AFP: variants seen among roughly 807,000 people sequenced by gnomAD.
AFP encodes the protein alpha fetoprotein.
Under a neutral mutation model 78.9 loss-of-function variants are expected in AFP, and 64 were observed. The ratio of observed to expected loss-of-function variants is 0.81; its 90% CI spans 0.66 to 1.00. The LOEUF is 1.00. Among genes scored for constraint, AFP ranks in the 50% least tolerant of loss-of-function variants. The pLI, the probability that AFP is intolerant of heterozygous loss-of-function variation, is 0.00. For synonymous variants in AFP, 254 were observed against 243.8 expected (o/e 1.04, Z -0.39); for missense variants, 689 against 703.8 (o/e 0.98, Z 0.24).
chr4:73,453,547 T>TA (rs1177831602), intron 12 of AFP: 1 of 551,990 alleles, frequency 1.8e-6, no homozygotes, highest in Non-Finnish European at 3.2e-6. Context: ...AATAGTGTTT[T>TA]ATCCACAACC....
Position 73,437,210 on chromosome 4 carries a change from C to G in AFP, c.136C>G (p.Leu46Val), listed in dbSNP as rs1182640029. The G allele has an allele frequency of 3.7e-6, 6 of 1,608,062 alleles. No homozygotes were observed. In the South Asian group the frequency reaches 6.6e-5, roughly 18 times the overall value. ...QCTAEISLADLATIFFAQFVQ... is the reference protein window; with the variant it reads ...QCTAEISLADVATIFFAQFVQ... ...TACTGCAGAGATAAGTTTAGCTGAC[C>G]TGTAAGTTTTGCTTATATAAATGTA... The change falls in exon 2 of 15, where the codon CTG becomes GTG. Residue 46 changes from leucine (L) to valine (V), a missense_variant and splice_region_variant. Transcript: ENST00000395792.
rs146692547 is a variant in AFP at position 73,455,272 on chromosome 4, G to A, written c.1822G>A (p.Gly608Arg). 1.2e-5 allele frequency: 19 copies of A among 1,612,220 alleles called. No homozygotes were observed. Among genetic ancestry groups the A allele is most frequent in the Non-Finnish European group, 1.5e-5 (18 of 1,178,870 alleles). The change falls in exon 14 of 15, where the codon GGA (glycine) becomes AGA (arginine). Residue 608 changes from glycine to arginine, a missense_variant. Coordinates refer to ENST00000395792, the MANE Select transcript of AFP (RefSeq NM_001134.3). ...GATTTCAAAAACTCGTGCTGCTTTG[G>A]GAGTTTAAATTACTTCAGGTAACAA... Reference protein sequence around the residue: ...KLISKTRAALGV With the variant: ...KLISKTRAALRV
intron 14 of AFP, 62 bp from the exon 15 acceptor site, chr4:73,455,569 C>A: frequency 1.5e-6 from 1 of 665,064 alleles, no homozygotes. Flanking sequence ...AATAATAGAA[C>A]CAGTTACTTA....
chr4:73,436,683 C>T (rs1027757437), intron 1 of AFP, among the ~76,000 whole-genome samples: 6 of 151,272 alleles, frequency 4.0e-5, no homozygotes, highest in Admixed American at 6.6e-5. Context: ...TGTGAAGAAG[C>T]CAGAATTATG....
chr4:73,450,467 A>G, intron 10 of AFP, 148 bp from the exon 11 acceptor site: 1 of 1,109,564 alleles, frequency 9.0e-7, no homozygotes, highest in Non-Finnish European at 1.3e-6. Flanking sequence ...AATGCATCTC[A>G]AAAGTTGGTT....
intron 6 of AFP, among the ~76,000 whole-genome samples, chr4:73,444,441 T>G (rs892952975): frequency 3.3e-5 from 5 of 152,204 alleles, no homozygotes; most frequent in Non-Finnish European, 7.4e-5. Context: ...TAAAATTTAA[T>G]GAAATATGCA....
intron 5 of AFP, 103 bp from the exon 6 acceptor site, chr4:73,443,244 T>C (rs1443071610): frequency 2.4e-6 from 2 of 846,750 alleles, no homozygotes; most frequent in Non-Finnish European, 3.9e-6. Context: ...ACATATTTTA[T>C]GGAATTTCAT....
chr4:73,442,364 G>A lies in AFP; in HGVS notation c.551G>A (p.Arg184His). The change falls in exon 5 of 15, where the codon CGC becomes CAC. Residue 184 changes from arginine (R) to histidine (H), a missense_variant. Coordinates refer to ENST00000395792, the MANE Select transcript of AFP (RefSeq NM_001134.3). ...YAPTILLWAA[R>H]YDKIIPSCCK... ...CCTACAATTCTTCTTTGGGCTGCTC[G>A]CTATGACAAAATAATTCCATCTTGC... 2.5e-6 allele frequency: 4 copies of A among 1,613,952 alleles called. No individual in the cohort carries two copies. The highest frequency in any genetic ancestry group is 1.1e-5 in the South Asian group (1 of 91,074).
chr4:73,453,249 A>T (rs13149053), intron 12 of AFP, among the ~76,000 whole-genome samples: 2 of 152,172 alleles, frequency 1.3e-5, no homozygotes, highest in African/African-American at 4.8e-5. Context: ...GGTATGTTTC[A>T]CAGTATGATA....
At chr4:73,444,087 G>A (rs775258817) in intron 6 of AFP, among the ~76,000 whole-genome samples, 2 of 152,166 alleles carry the variant, frequency 1.3e-5, no homozygotes, top group Non-Finnish European at 2.9e-5. Flanking sequence ...TTGCTGTTTG[G>A]TTAAATAACA....
intron 3 of AFP, among the ~76,000 whole-genome samples, chr4:73,439,376 A>T (rs1407857654): frequency 6.6e-6 from 1 of 152,188 alleles, no homozygotes; most frequent in African/African-American, 2.4e-5. Flanking sequence ...TTTGAAATTT[A>T]TGAATTGACA....
chr4:73,452,368 C>T, intron 11 of AFP, 33 bp from the exon 12 acceptor site: 1 of 1,587,554 alleles, frequency 6.3e-7, no homozygotes, highest in East Asian at 2.2e-5. Flanking sequence ...AATGCCCAAT[C>T]TCCTTACTTT....
chr4:73,441,708 A>T (rs1719673208), intron 4 of AFP, among the ~76,000 whole-genome samples: 1 of 152,090 alleles, frequency 6.6e-6, no homozygotes, highest in African/African-American at 2.4e-5. Context: ...GTTGATAGGA[A>T]ATTGAAGGTT....
Position 73,453,872 on chromosome 4 carries a change from A to G in AFP, c.1760A>G (p.Glu587Gly), listed in dbSNP as rs776899258. ...TTGGAGAAATGCTGCCAAGGCCAGGAACAGGAAGTCTGCTTTGCTGAAGAG... is the reference window on the plus strand; with the variant it reads ...TTGGAGAAATGCTGCCAAGGCCAGGGACAGGAAGTCTGCTTTGCTGAAGAG... ...GLLEKCCQGQEQEVCFAEEGQ... is the reference protein window; with the variant it reads ...GLLEKCCQGQGQEVCFAEEGQ... The change falls in exon 13 of 15, where the codon GAA (glutamate) becomes GGA (glycine). Residue 587 changes from glutamate (E) to glycine (G), a missense_variant. Physicochemically the swap from Glu to Gly is moderately conservative, Grantham distance 98. Transcript: ENST00000395792. The G allele has an allele frequency of 3.7e-6, 6 of 1,613,750 alleles. No individual in the cohort carries two copies. Among genetic ancestry groups the G allele is most frequent in the Non-Finnish European group, 3.4e-6 (4 of 1,179,684 alleles).
intron 11 of AFP, among the ~76,000 whole-genome samples, chr4:73,451,645 T>C (rs1178780937): frequency 2.6e-5 from 4 of 152,230 alleles, no homozygotes; most frequent in African/African-American, 9.6e-5. Flanking sequence ...ACTTTCACTA[T>C]TCTTTAGTTG....
rs150572690 is a variant in AFP at position 73,439,485 on chromosome 4, A to G, written c.271-1117A>G. Among the ~76,000 whole-genome samples the G allele has an allele frequency of 2.3e-3, 354 of 152,328 alleles. 1 individual carries two copies. Among genetic ancestry groups the G allele is most frequent in the African/African-American group, 8.4e-3 (350 of 41,586 alleles). ...ATACATTATCTATTGCAACTTTACAACCAATTAGAGGTTCAAGGTAATGTT... is the reference window on the plus strand; with the variant it reads ...ATACATTATCTATTGCAACTTTACAGCCAATTAGAGGTTCAAGGTAATGTT... On this transcript the variant is annotated intron_variant, in intron 3 of 14. Coordinates refer to ENST00000395792, the MANE Select transcript of AFP (RefSeq NM_001134.3).
chr4:73,442,083 T>A (rs1380727139), intron 4 of AFP, among the ~76,000 whole-genome samples: 1 of 152,174 alleles, frequency 6.6e-6, no homozygotes, highest in Non-Finnish European at 1.5e-5. Context: ...CTGTCAGATA[T>A]TTTTCCCCCC....
chr4:73,451,118 TA>T (rs1719979300), intron 11 of AFP, among the ~76,000 whole-genome samples: 1 of 152,254 alleles, frequency 6.6e-6, no homozygotes, highest in African/African-American at 2.4e-5. Context: ...TTTGATGTTT[TA>T]AAAAAGCTTT....
In AFP at chr4:73,452,543, C is replaced by T. The variant is rs150629509; in HGVS notation, c.1571C>T (p.Pro524Leu). The change falls in exon 12 of 15, where the codon CCT (proline) becomes CTT (leucine). Residue 524 changes from proline (P) to leucine (L), a missense_variant. Transcript: ENST00000395792. Reference protein sequence around the residue: ...SLVVDETYVPPAFSDDKFIFH... With the variant: ...SLVVDETYVPLAFSDDKFIFH... The stretch of plus-strand genomic sequence containing the variant: ...GTGGTGGATGAAACATATGTCCCTC[C>T]TGCATTCTCTGATGACAAGTTCATT... 141 of 1,613,962 alleles carry T rather than the reference C, an allele frequency of 8.7e-5. No homozygotes were observed. Among genetic ancestry groups the T allele is most frequent in the Non-Finnish European group, 1.2e-4 (138 of 1,179,974 alleles).
Sources: gnomAD v4.1 joint callset for allele counts (sites outside exome capture counted in the v4.1 genomes callset) on GRCh38, gnomAD v4.1.1 for gene constraint, MANE v1.5 for transcripts, NCBI Gene and HGNC (gene_info 2026-07-23, HGNC 2026-07-21) for gene names.